Variants in PTDSS1 observed in about 807,000 individuals in gnomAD.
PTDSS1 encodes phosphatidylserine synthase 1.
PTDSS1 carries 45 observed loss-of-function variants against 70.5 expected under a neutral mutation model. The ratio of observed to expected loss-of-function variants is 0.64; its 90% CI spans 0.50 to 0.82. PTDSS1 has a LOEUF of 0.82. Among genes scored for constraint, PTDSS1 ranks in the 40% least tolerant of loss-of-function variants. The pLI, the probability that PTDSS1 is intolerant of heterozygous loss-of-function variation, is 0.00. For missense variants in PTDSS1, 417 were observed against 586.1 expected (o/e 0.71, Z 2.98); for synonymous variants, 188 against 203.8 (o/e 0.92, Z 0.66).
Position 96,262,141 on chromosome 8 carries a change from T to C in PTDSS1, c.101T>C (p.Ile34Thr). The C allele has an allele frequency of 1.9e-6, 3 of 1,613,984 alleles. No homozygotes were observed. The highest frequency in any genetic ancestry group is 2.5e-6 in the Non-Finnish European group (3 of 1,179,860). The change falls in exon 1 of 13, where the codon ATT becomes ACT. Residue 34 changes from isoleucine (I) to threonine (T), a missense_variant. Coordinates refer to ENST00000517309, the MANE Select transcript of PTDSS1 (RefSeq NM_014754.3). The surrounding 1 kb of genome is among the most constrained non-coding windows in gnomAD (Gnocchi z 4.4). ...GAGCAGCAAGTGGAGGACATCACCATTGACTTCTTCTACCGGCCGCATACC... is the reference window on the plus strand; with the variant it reads ...GAGCAGCAAGTGGAGGACATCACCACTGACTTCTTCTACCGGCCGCATACC... ...INEQQVEDIT[I>T]DFFYRPHTIT...
chr8:96,277,681 G>A (rs1331536606), intron 2 of PTDSS1, among the ~76,000 whole-genome samples: 1 of 152,224 alleles, frequency 6.6e-6, no homozygotes, highest in Non-Finnish European at 1.5e-5. Context: ...CTGCACGGCT[G>A]TGTATAGGCC....
At chr8:96,319,165 C>T (rs1330518308) in intron 9 of PTDSS1, among the ~76,000 whole-genome samples, 3 of 151,984 alleles carry the variant, frequency 2.0e-5, no homozygotes, top group African/African-American at 7.3e-5. Context: ...CCGCTCGCCT[C>T]AGCCTCCCAA....
Position 96,334,257 on chromosome 8 carries a change from T to C in PTDSS1, c.*691T>C, listed in dbSNP as rs961987040. 8 of 156,022 alleles carry C rather than the reference T, an allele frequency of 5.1e-5. No individual in the cohort carries two copies. Among genetic ancestry groups the C allele is most frequent in the African/African-American group, 1.9e-4 (8 of 41,576 alleles). 9.7% of individuals were successfully genotyped at this position (156,022 alleles called of 1,614,324 possible). A position where few individuals can be genotyped will look rare whatever the true frequency, so the allele number is the denominator to read the frequency against. On this transcript the variant is annotated 3_prime_UTR_variant, in exon 13 of 13. Transcript: ENST00000517309. ...GAGGGTAGCTGCCTGCATAGGAGCC[T>C]CGCTTCCGATTATTCCCTTCCCAAT...
intron 9 of PTDSS1, among the ~76,000 whole-genome samples, chr8:96,314,079 T>G (rs1168841252): frequency 6.6e-6 from 1 of 152,200 alleles, no homozygotes; most frequent in African/African-American, 2.4e-5. Flanking sequence ...GGTCTTGCTG[T>G]GTTGCCCAGG....
At chr8:96,264,239 T>TA (rs1252480882) in intron 1 of PTDSS1, among the ~76,000 whole-genome samples, 1 of 152,232 alleles carries the variant, frequency 6.6e-6, no homozygotes, top group Non-Finnish European at 1.5e-5. Flanking sequence ...TATCTGTATG[T>TA]AAAATGAAAA....
chr8:96,315,316 T>C (rs928682211), intron 9 of PTDSS1, among the ~76,000 whole-genome samples: 1 of 152,184 alleles, frequency 6.6e-6, no homozygotes, highest in African/African-American at 2.4e-5. Flanking sequence ...AGGGATTGCT[T>C]GTGCAGCCAT....
intron 1 of PTDSS1, among the ~76,000 whole-genome samples, chr8:96,272,254 G>T (rs1280991741): frequency 1.3e-5 from 2 of 151,772 alleles, no homozygotes; most frequent in Admixed American, 6.6e-5. Context: ...GTTTTGTTTT[G>T]AGGTTCATTT....
chr8:96,300,358 G>A lies in PTDSS1; in HGVS notation c.752+513G>A, dbSNP rs753319868. Among the ~76,000 whole-genome samples, 8 of 152,260 alleles carry A rather than the reference G, an allele frequency of 5.3e-5. No individual in the cohort carries two copies. The Middle Eastern group carries it at 0.01, about 194-fold the overall frequency. On this transcript the variant is annotated intron_variant, in intron 6 of 12. Transcript: ENST00000517309. ...CACCCTCCCAGGCAACCGAGAGTCT[G>A]TTTGTGCACACGCTCCCCTCTCTTC...
rs962563309 is a variant in PTDSS1 at position 96,261,933 on chromosome 8, A to G, written c.-108A>G. The G allele has an allele frequency of 1.2e-5, 14 of 1,215,072 alleles. No homozygotes were observed. Among genetic ancestry groups the G allele is most frequent in the Admixed American group, 2.5e-5 (1 of 40,656 alleles). The allele number at this position is 1,215,072 out of a possible 1,614,324, so 75.3% of individuals were successfully genotyped here. On this transcript the variant is annotated 5_prime_UTR_variant, in exon 1 of 13. Transcript: ENST00000517309. ...GCTCCCAGCCTTTGCTGGGCGCCAG[A>G]CCCGGCTTTGCCGTCCGGCTATTAG...
At chr8:96,276,979 C>T (rs1316294936) in intron 2 of PTDSS1, among the ~76,000 whole-genome samples, 1 of 83,168 alleles carries the variant, frequency 1.2e-5, no homozygotes, top group Admixed American at 1.4e-4. Context: ...CGCACGCGCG[C>T]GCACACACAC....
rs1811590624 is a variant in PTDSS1, at chr8:96,336,117, G to T, written c.*2551G>T. On this transcript the variant is annotated 3_prime_UTR_variant, in exon 13 of 13. Coordinates refer to ENST00000517309, the MANE Select transcript of PTDSS1 (RefSeq NM_014754.3). ...TAGAAACCTTGGAACCACTCTCACAGCAATGCTAGGATGTTTCATGGACCT... is the reference window on the plus strand; with the variant it reads ...TAGAAACCTTGGAACCACTCTCACATCAATGCTAGGATGTTTCATGGACCT... The T allele has an allele frequency of 6.6e-6, 1 of 150,734 alleles. No individual in the cohort carries two copies. Among genetic ancestry groups the T allele is most frequent in the African/African-American group, 2.5e-5 (1 of 40,126 alleles). The allele number at this position is 150,734 out of a possible 1,614,324, so 9.3% of individuals were successfully genotyped here.
intron 12 of PTDSS1, among the ~76,000 whole-genome samples, chr8:96,332,880 C>T (rs966937459): frequency 6.6e-6 from 1 of 152,192 alleles, no homozygotes; most frequent in Non-Finnish European, 1.5e-5. Context: ...CTAGGCCAGG[C>T]AGGGGCTGAA....
chr8:96,322,698 A>G (rs1015516443), intron 10 of PTDSS1, among the ~76,000 whole-genome samples: 5 of 152,164 alleles, frequency 3.3e-5, no homozygotes, highest in African/African-American at 7.2e-5. Context: ...TACGAAATAC[A>G]TTCATTTCAT....
chr8:96,274,726 A>AAAT lies in PTDSS1; in HGVS notation c.271+1355_271+1357dup, dbSNP rs529721083. Reference sequence around the variant, plus strand: ...GGAACAAGAGTGAAACTCCATCTCAAAATAATAATAATAATAATAATCCAA... The same window carrying AAAT: ...GGAACAAGAGTGAAACTCCATCTCAAAATAATAATAATAATAATAATAATCCAA... On this transcript the variant is annotated intron_variant, in intron 2 of 12. Transcript: ENST00000517309. Among the ~76,000 whole-genome samples, 451 of 152,090 alleles carry AAAT rather than the reference A, an allele frequency of 3.0e-3. 1 individual carries two copies. Among genetic ancestry groups the AAAT allele is most frequent in the African/African-American group, 9.3e-3 (384 of 41,502 alleles).
chr8:96,285,759 C>T (rs150659378), intron 3 of PTDSS1, among the ~76,000 whole-genome samples: 153 of 152,238 alleles, frequency 1.0e-3, no homozygotes, highest in African/African-American at 3.6e-3. Context: ...TCCAGGGCTT[C>T]ACAGACCTCG....
intron 3 of PTDSS1, among the ~76,000 whole-genome samples, chr8:96,285,562 G>C (rs994230553): frequency 1.3e-5 from 2 of 152,150 alleles, no homozygotes; most frequent in Admixed American, 1.3e-4. Flanking sequence ...GTTATTTTCA[G>C]CTATTTGGAC....
intron 10 of PTDSS1, among the ~76,000 whole-genome samples, chr8:96,320,975 C>T (rs1811366413): frequency 6.6e-6 from 1 of 152,184 alleles, no homozygotes; most frequent in Admixed American, 6.5e-5. Flanking sequence ...TTGTAACTGC[C>T]ATTCTTCATT....
At chr8:96,320,482 T>C in intron 10 of PTDSS1, 137 bp downstream of exon 10, 3 of 769,940 alleles carry the variant, frequency 3.9e-6, no homozygotes, top group Non-Finnish European at 6.3e-6. Context: ...TGTAATTGTC[T>C]GAGACTGGCC....
chr8:96,264,036 A>G (rs1316613195), intron 1 of PTDSS1, among the ~76,000 whole-genome samples: 1 of 152,240 alleles, frequency 6.6e-6, no homozygotes, highest in Admixed American at 6.5e-5. Flanking sequence ...CACTATTACT[A>G]TAAAATCTGC....
Sources: gnomAD v4.1 joint callset for allele counts (sites outside exome capture counted in the v4.1 genomes callset) on GRCh38, gnomAD v4.1.1 for gene constraint, Gnocchi (gnomAD v3.1) non-coding constraint, MANE v1.5 for transcripts, NCBI Gene and HGNC (gene_info 2026-07-23, HGNC 2026-07-21) for gene names.